The following PHF21A variants were observed in gnomAD, a reference collection of about 807,000 sequenced individuals.
PHF21A encodes BHC80a.
In PHF21A, 11 loss-of-function variants were observed where a neutral mutation model predicts 82.5. The observed-to-expected ratio is 0.13, with a 90% CI of 0.08 to 0.22. The LOEUF (loss-of-function observed/expected upper bound fraction) is 0.22, where lower values mean the gene tolerates loss of function less well. Ranked by LOEUF, PHF21A falls within the 10% of genes least tolerant of loss-of-function variation. The probability of loss-of-function intolerance (pLI) is 1.00; values close to 1 mark genes in which losing one functional copy is unlikely to be tolerated. For synonymous variants in PHF21A, 297 were observed against 302.8 expected, an observed-to-expected ratio of 0.98 and a Z score of 0.20; for missense variants, 579 against 837.8, an observed-to-expected ratio of 0.69 and a Z score of 3.81.
intron 6 of PHF21A, among the ~76,000 whole-genome samples, chr11:46,005,790 C>A (rs2095280468): frequency 6.6e-6 from 1 of 152,126 alleles, no homozygotes; most frequent in Admixed American, 6.5e-5. Flanking sequence ...CCCACCAATT[C>A]TGAAACAATT....
intron 6 of PHF21A, among the ~76,000 whole-genome samples, chr11:46,054,234 G>A (rs1333335929): frequency 6.6e-6 from 1 of 152,056 alleles, no homozygotes; most frequent in Non-Finnish European, 1.5e-5. Context: ...AGGAAAAGCT[G>A]AAAGTCAGAG....
intron 11 of PHF21A, among the ~76,000 whole-genome samples, chr11:45,951,542 T>C (rs2092112380): frequency 1.3e-5 from 2 of 152,372 alleles, no homozygotes; most frequent in Admixed American, 6.5e-5. Flanking sequence ...CTAAACTGTA[T>C]GTTGAAATGA....
Position 45,950,108 on chromosome 11 carries a change from G to T in PHF21A, c.1147+98C>A. 4 of 980,898 alleles carry T rather than the reference G, an allele frequency of 4.1e-6. No individual in the cohort carries two copies. The East Asian group carries it at 7.5e-5, about 18-fold the overall frequency. The allele number at this position is 980,898 out of a possible 1,614,324, so 60.8% of individuals were successfully genotyped here. On this transcript the variant is annotated intron_variant, in intron 12 of 18. Coordinates refer to ENST00000676320, the MANE Select transcript of PHF21A (RefSeq NM_001352027.3). The stretch of plus-strand genomic sequence containing the variant: ...ATTGGCTGAATCATACTCTATTTGT[G>T]TTCCAATTTTCTATTCCAGGAATTC...
At chr11:45,940,276 A>T (rs1590963485) in intron 15 of PHF21A, among the ~76,000 whole-genome samples, 2 of 151,774 alleles carry the variant, frequency 1.3e-5, no homozygotes, top group East Asian at 3.9e-4. Context: ...GCTCACTGCA[A>T]CCTCTGCCTC....
chr11:46,002,668 TGAA>T (rs79841873), intron 6 of PHF21A, among the ~76,000 whole-genome samples: 18,336 of 152,096 alleles, frequency 0.12, 1,323 homozygotes, highest in African/African-American at 0.22. Context: ...AGGGATATAA[TGAA>T]GAACTTTGGA....
intron 6 of PHF21A, among the ~76,000 whole-genome samples, chr11:46,012,242 C>T (rs762765033): frequency 1.9e-4 from 29 of 152,218 alleles, no homozygotes; most frequent in Admixed American, 3.3e-4. Context: ...TTCCTGACCT[C>T]TTTGTGCAGC....
intron 6 of PHF21A, among the ~76,000 whole-genome samples, chr11:45,990,105 A>G (rs2094632043): frequency 6.6e-6 from 1 of 152,144 alleles, no homozygotes; most frequent in Non-Finnish European, 1.5e-5. Context: ...AATCTAATCC[A>G]CAAATTTCTA....
intron 1 of PHF21A, among the ~76,000 whole-genome samples, chr11:46,105,785 T>TA (rs2097146409): frequency 6.6e-6 from 1 of 152,222 alleles, no homozygotes; most frequent in African/African-American, 2.4e-5. Flanking sequence ...ACTCAATTCT[T>TA]AGACTACCTT....
At chr11:45,981,940 CTTTTTTTTTT>C (rs754937092) in intron 6 of PHF21A, among the ~76,000 whole-genome samples, 1 of 78,268 alleles carries the variant, frequency 1.3e-5, no homozygotes, top group Non-Finnish European at 2.3e-5. Flanking sequence ...TTTTGTTTTT[CTTTTTTTTTT>C]TTTTTTTTTT....
chr11:46,090,331 T>C (rs1255717009), intron 3 of PHF21A, 124 bp downstream of exon 3: 1 of 152,054 alleles, frequency 6.6e-6, no homozygotes, highest in East Asian at 1.9e-4. Flanking sequence ...CAAGTGGGTG[T>C]GGTAGTCTCA....
chr11:45,980,090 CACAGGTTCT>C (rs2094214312), intron 6 of PHF21A, 124 bp from the exon 7 acceptor site: 6 of 1,387,282 alleles, frequency 4.3e-6, no homozygotes, highest in Non-Finnish European at 5.9e-6. Flanking sequence ...TCTAAATTTA[CACAGGTTCT>C]ACATATGAAG....
intron 6 of PHF21A, among the ~76,000 whole-genome samples, chr11:46,060,640 G>A (rs2096524156): frequency 1.3e-5 from 2 of 152,070 alleles, no homozygotes; most frequent in Non-Finnish European, 1.5e-5. Flanking sequence ...GTGTCTGTTC[G>A]TGTCCTTTGC....
At chr11:46,117,959 T>A (rs1162835380) in intron 1 of PHF21A, 1 of 152,234 alleles carries the variant, frequency 6.6e-6, no homozygotes, top group Non-Finnish European at 1.5e-5. Context: ...TTAATCCTGT[T>A]GCTTAGCTGA....
chr11:46,103,516 A>T (rs1466299616), intron 1 of PHF21A, among the ~76,000 whole-genome samples: 1 of 152,224 alleles, frequency 6.6e-6, no homozygotes, highest in African/African-American at 2.4e-5. Context: ...TCTCCTCAGA[A>T]ATGAGATACA....
At chr11:45,939,503 A>C (rs942905654) in intron 15 of PHF21A, among the ~76,000 whole-genome samples, 2 of 152,170 alleles carry the variant, frequency 1.3e-5, no homozygotes, top group South Asian at 4.1e-4. Context: ...TAAAAAGCCA[A>C]AGCAACAGCT....
At chr11:46,088,924 A>G (rs140012226) in intron 3 of PHF21A, among the ~76,000 whole-genome samples, 1,582 of 152,248 alleles carry the variant, frequency 0.01, 36 homozygotes, top group African/African-American at 0.036. Flanking sequence ...AAGGAAAGCT[A>G]TAACTCCAAT....
chr11:45,970,098 G>A (rs770000076), intron 8 of PHF21A, 194 bp from the exon 9 acceptor site: 11 of 542,130 alleles, frequency 2.0e-5, no homozygotes, highest in Non-Finnish European at 3.3e-5. Flanking sequence ...CCTATAAAAT[G>A]AACCAACCAC....
At chr11:46,045,934 G>A (rs914499169) in intron 6 of PHF21A, among the ~76,000 whole-genome samples, 1 of 152,070 alleles carries the variant, frequency 6.6e-6, no homozygotes, top group Non-Finnish European at 1.5e-5. Flanking sequence ...TTCACAACTG[G>A]CTCTGTTTTC....
chr11:46,113,380 C>G (rs1415195010), intron 1 of PHF21A, among the ~76,000 whole-genome samples: 1 of 152,180 alleles, frequency 6.6e-6, no homozygotes, highest in African/African-American at 2.4e-5. Flanking sequence ...TTTAGACCAA[C>G]ATTTTCACAT....
Sources: allele counts gnomAD v4.1 joint callset (sites outside exome capture counted in the v4.1 genomes callset), GRCh38; gene constraint gnomAD v4.1.1; transcripts MANE v1.5; gene names NCBI Gene and HGNC (gene_info 2026-07-23, HGNC 2026-07-21).